GIT2: variants seen among roughly 807,000 people sequenced by gnomAD.
GIT2 encodes ARF GTPase-activating protein GIT2.
A neutral mutation model predicts 100.3 loss-of-function variants in GIT2; 32 were observed. The observed-to-expected ratio is 0.32, with a 90% CI of 0.24 to 0.43. GIT2 has a LOEUF of 0.43. Among genes scored for constraint, GIT2 ranks in the 20% least tolerant of loss-of-function variants. The pLI, the probability that GIT2 is intolerant of heterozygous loss-of-function variation, is 1.00. For synonymous variants in GIT2, 353 were observed against 364.1 expected, an observed-to-expected ratio of 0.97 and a Z score of 0.35; for missense variants, 737 against 975.1, an observed-to-expected ratio of 0.76 and a Z score of 3.25.
At chr12:109,943,822 C>A (rs1469479231) in intron 16 of GIT2, among the ~76,000 whole-genome samples, 1 of 151,742 alleles carries the variant, frequency 6.6e-6, no homozygotes, top group African/African-American at 2.4e-5. Context: ...CTCCCAAGCA[C>A]CTGGGACTAC....
chr12:109,945,100 C>T (rs1393319790), intron 16 of GIT2, among the ~76,000 whole-genome samples, 160 bp downstream of exon 16: 4 of 152,040 alleles, frequency 2.6e-5, no homozygotes, highest in African/African-American at 7.2e-5. Context: ...TGCATGTGGA[C>T]GAGTGTGAGC....
rs79037701 is a variant in GIT2 at position 109,953,172 on chromosome 12, C to T, written c.1162G>A (p.Asp388Asn). 2.7e-4 allele frequency: 443 copies of T among 1,613,942 alleles called. No homozygotes were observed. Among genetic ancestry groups the T allele is most frequent in the Non-Finnish European group, 3.5e-4 (410 of 1,179,848 alleles). The change falls in exon 13 of 20, where the codon GAT (aspartate) becomes AAT (asparagine). Residue 388 changes from aspartate to asparagine, a missense_variant. By Grantham distance (23) the Asp-to-Asn change is conservative (BLOSUM62 1). Transcript: ENST00000355312. ...GCCACGCTGTCATAGTCGGGCTGAT[C>T]GTTGTCTTGACTCTCAACGCTGTGC... ...NQHSVESQDN[D>N]QPDYDSVASD...
Position 109,991,696 on chromosome 12 carries a change from C to T in GIT2, c.117G>A (p.Arg39=). 1 of 1,612,652 alleles carries T rather than the reference C, an allele frequency of 6.2e-7. No individual in the cohort carries two copies. Among genetic ancestry groups the T allele is most frequent in the East Asian group, 2.2e-5 (1 of 44,870 alleles). The part of the protein sequence containing the change: ...FLCDECCSVH[R]SLGRHISQVR... ...CTTGGGAGATATGGCGCCCTAGACT[C>T]CGATGGACACTGCAGCACTCATCAC... The change falls in exon 2 of 20, where the codon CGG becomes CGA. Residue 39 remains arginine, a synonymous_variant. Coordinates refer to ENST00000355312, the MANE Select transcript of GIT2 (RefSeq NM_057169.5).
intron 9 of GIT2, among the ~76,000 whole-genome samples, chr12:109,964,472 T>C (rs1431511823): frequency 6.6e-6 from 1 of 152,062 alleles, no homozygotes. Flanking sequence ...AGTCAGGCTT[T>C]GGGAAAGCCG....
intron 1 of GIT2, 62 bp downstream of exon 1, chr12:109,996,111 C>G: frequency 9.2e-7 from 1 of 1,087,540 alleles, no homozygotes; most frequent in Non-Finnish European, 1.3e-6. Flanking sequence ...GAGGGGGCGG[C>G]CCCGGGGTAG....
At chr12:109,976,573 C>G (rs562590577) in intron 7 of GIT2, among the ~76,000 whole-genome samples, 1 of 146,316 alleles carries the variant, frequency 6.8e-6, no homozygotes, top group Admixed American at 6.9e-5. Flanking sequence ...CGTGAGCCAC[C>G]GCGCCTGGCG....
intron 7 of GIT2, among the ~76,000 whole-genome samples, chr12:109,974,917 G>A (rs965886243): frequency 6.6e-6 from 1 of 152,104 alleles, no homozygotes; most frequent in African/African-American, 2.4e-5. Flanking sequence ...TTCTATCAAA[G>A]TTTGCTTCAT....
chr12:109,938,673 G>A (rs1873724408), intron 17 of GIT2, 105 bp from the exon 18 acceptor site: 2 of 772,602 alleles, frequency 2.6e-6, no homozygotes, highest in Non-Finnish European at 4.2e-6. Context: ...GAGCAGGCTG[G>A]TCTCGTCATT....
chr12:109,992,225 C>T (rs1393899196), intron 1 of GIT2: 1 of 144,744 alleles, frequency 6.9e-6, no homozygotes, highest in East Asian at 2.0e-4. Context: ...TGGCTCACTG[C>T]AACCTCTATC....
chr12:109,938,976 G>A (rs1873825328), intron 17 of GIT2, 189 bp downstream of exon 17: 1 of 570,914 alleles, frequency 1.8e-6, no homozygotes, highest in Admixed American at 3.1e-5. Context: ...AAAGAAAAAG[G>A]CCTTTCGGCA....
chr12:109,951,035 C>T (rs1877692418), intron 14 of GIT2, 132 bp downstream of exon 14: 1 of 791,874 alleles, frequency 1.3e-6, no homozygotes, highest in South Asian at 1.7e-5. Flanking sequence ...AAAAAGACAA[C>T]TTGGCCCAAA....
rs1351190896 is a variant in GIT2, at chr12:109,934,152, T to A, written c.2004-67A>T. 2 of 868,726 alleles carry A rather than the reference T, an allele frequency of 2.3e-6. No homozygotes were observed. The highest frequency in any genetic ancestry group is 4.0e-6 in the Non-Finnish European group (2 of 501,558). The allele number at this position is 868,726 out of a possible 1,614,324, so 53.8% of individuals were successfully genotyped here. A position where few individuals can be genotyped will look rare whatever the true frequency, so the allele number is the denominator to read the frequency against. On this transcript the variant is annotated intron_variant, in intron 18 of 19. Coordinates refer to ENST00000355312, the MANE Select transcript of GIT2 (RefSeq NM_057169.5). This position sits in a 1 kb window ranked among gnomAD's most constrained non-coding sequence, Gnocchi z 4.5. ...GATTCGGAGGCAAAGAGGACTCAAG[T>A]GCTAGAACAGATTCTGTTTACATTC...
Position 109,948,503 on chromosome 12 carries a change from C to G in GIT2, c.1393-999G>C. 1 of 1,222,822 alleles carries G rather than the reference C, an allele frequency of 8.2e-7. No homozygotes were observed. The highest frequency in any genetic ancestry group is 1.0e-6 in the Non-Finnish European group (1 of 978,798). The allele number at this position is 1,222,822 out of a possible 1,614,324, so 75.7% of individuals were successfully genotyped here. A position where few individuals can be genotyped will look rare whatever the true frequency, so the allele number is the denominator to read the frequency against. The stretch of plus-strand genomic sequence containing the variant: ...GGGGTCAGCAGGGAATCGTGTTACT[C>G]TTTGGCATCTGGCATTTTAAACACC... On this transcript the variant is annotated intron_variant, in intron 14 of 19. Coordinates refer to ENST00000355312, the MANE Select transcript of GIT2 (RefSeq NM_057169.5). The surrounding 1 kb of genome is among the most constrained non-coding windows in gnomAD (Gnocchi z 4.3).
At chr12:109,990,345 C>T (rs918099355) in intron 2 of GIT2, among the ~76,000 whole-genome samples, 1 of 152,188 alleles carries the variant, frequency 6.6e-6, no homozygotes, top group African/African-American at 2.4e-5. Context: ...CTAAACAACT[C>T]ATCTCTGGAC....
chr12:109,973,617 A>G (rs1183694044), intron 7 of GIT2, among the ~76,000 whole-genome samples: 1 of 151,442 alleles, frequency 6.6e-6, no homozygotes, highest in African/African-American at 2.4e-5. Flanking sequence ...TTTCAGTTTC[A>G]TTGATTTTTC....
At chr12:109,997,227 AAATT>A (rs1889568370), upstream of GIT2, among the ~76,000 whole-genome samples, 1 of 150,324 alleles carries the variant, frequency 6.7e-6, no homozygotes, top group Non-Finnish European at 1.5e-5. Context: ...AAAAAAAAAA[AAATT>A]AGCCGGGCGT....
At chr12:109,976,125 C>CACACACACACACAA (rs1555232730) in intron 7 of GIT2, among the ~76,000 whole-genome samples, 7 of 151,228 alleles carry the variant, frequency 4.6e-5, no homozygotes, top group African/African-American at 1.7e-4. Context: ...CACACACAAA[C>CACACACACACACAA]ACACACACAC....
intron 6 of GIT2, chr12:109,982,882 GTAACCCACC>G (rs1886612322): frequency 1.3e-5 from 2 of 152,166 alleles, no homozygotes; most frequent in African/African-American, 4.8e-5. Flanking sequence ...CTGGCCTCAA[GTAACCCACC>G]CGCCTTGGAC....
At position 109,933,183 on chromosome 12, in the gene GIT2, T is replaced by G. The variant is rs1296385624; in HGVS notation, c.2075A>C (p.Lys692Thr). The change falls in exon 20 of 20, where the codon AAG (lysine) becomes ACG (threonine). Residue 692 changes from lysine (K) to threonine (T), a missense_variant. Physicochemically the swap from Lys to Thr is moderately conservative, Grantham distance 78. Coordinates refer to ENST00000355312, the MANE Select transcript of GIT2 (RefSeq NM_057169.5). The surrounding 1 kb of genome is among the most constrained non-coding windows in gnomAD (Gnocchi z 4.5). Reference sequence around the variant, plus strand: ...AAGGGAAGTCCTCACCATATCAGACTTGGGTTTCTAAAAGGAAAAAGACAG... The same window carrying G: ...AAGGGAAGTCCTCACCATATCAGACGTGGGTTTCTAAAAGGAAAAAGACAG... ...EMAALFPKKP[K>T]SDMVRTSLRL... The G allele has an allele frequency of 6.5e-7, 1 of 1,549,208 alleles. No homozygotes were observed. Among genetic ancestry groups the G allele is most frequent in the Non-Finnish European group, 8.8e-7 (1 of 1,142,166 alleles).
Sources: allele counts gnomAD v4.1 joint callset (sites outside exome capture counted in the v4.1 genomes callset), GRCh38; gene constraint gnomAD v4.1.1; non-coding constraint Gnocchi (gnomAD v3.1); transcripts MANE v1.5; gene names NCBI Gene and HGNC (gene_info 2026-07-23, HGNC 2026-07-21).